PTK2B: variants seen among roughly 807,000 people sequenced by gnomAD.
PTK2B encodes the protein protein-tyrosine kinase 2-beta.
Under a neutral mutation model 142.9 loss-of-function variants are expected in PTK2B, and 71 were observed. The ratio of observed to expected loss-of-function variants is 0.50; its 90% CI spans 0.41 to 0.61. The LOEUF is 0.61. Ranked by LOEUF, PTK2B falls within the 20% of genes least tolerant of loss-of-function variation. The probability of loss-of-function intolerance (pLI) is 0.00; values close to 1 mark genes in which losing one functional copy is unlikely to be tolerated. For synonymous variants in PTK2B, 519 were observed against 503.4 expected (o/e 1.03, Z -0.42); for missense variants, 1,105 against 1,320.4 (o/e 0.84, Z 2.53).
intron 24 of PTK2B, among the ~76,000 whole-genome samples, chr8:27,446,398 T>C (rs1257727116): frequency 6.6e-6 from 1 of 151,964 alleles, no homozygotes; most frequent in Non-Finnish European, 1.5e-5. Flanking sequence ...TGAGAAGGAG[T>C]TTAGGGCTAG....
At chr8:27,419,054 A>G (rs1809580168) in intron 2 of PTK2B, among the ~76,000 whole-genome samples, 1 of 152,072 alleles carries the variant, frequency 6.6e-6, no homozygotes, top group Admixed American at 6.5e-5. Context: ...CACCAAAGTG[A>G]TTTCAGAACT....
chr8:27,338,284 T>G (rs1192590859), intron 1 of PTK2B, among the ~76,000 whole-genome samples: 2 of 152,232 alleles, frequency 1.3e-5, no homozygotes, highest in East Asian at 3.8e-4. Flanking sequence ...TTTACAACAT[T>G]TAGCACTTGA....
chr8:27,354,632 G>A lies in PTK2B; in HGVS notation c.-38+28951G>A, dbSNP rs778596244. Among the ~76,000 whole-genome samples the A allele has an allele frequency of 3.9e-5, 6 of 152,200 alleles. 1 individual carries two copies. In the South Asian group the frequency reaches 6.2e-4, roughly 16 times the overall value. On this transcript the variant is annotated intron_variant, in intron 1 of 30. Coordinates refer to ENST00000346049, the MANE Select transcript of PTK2B (RefSeq NM_173176.3). ...TCCGAAGTGCTTGAAAAATGGCAGC[G>A]TGTAATTATAGCTGGGAACAAAATA...
chr8:27,442,134 CTG>C (rs1811190652), intron 21 of PTK2B, among the ~76,000 whole-genome samples: 1 of 152,126 alleles, frequency 6.6e-6, no homozygotes, highest in African/African-American at 2.4e-5. Flanking sequence ...TTGAGTGTCT[CTG>C]TGTAACAATA....
At chr8:27,382,046 T>C (rs186693511) in intron 1 of PTK2B, among the ~76,000 whole-genome samples, 2 of 152,304 alleles carry the variant, frequency 1.3e-5, no homozygotes, top group Admixed American at 1.3e-4. Flanking sequence ...GCCTCCTGGG[T>C]TCCAATGATT....
At chr8:27,331,890 G>A (rs933585244) in intron 1 of PTK2B, among the ~76,000 whole-genome samples, 4 of 152,160 alleles carry the variant, frequency 2.6e-5, no homozygotes, top group African/African-American at 9.7e-5. Flanking sequence ...GGCAGTATTT[G>A]GAGTCAAAAC....
At position 27,430,968 on chromosome 8, in the gene PTK2B, C is replaced by A. The variant is rs765808730; in HGVS notation, c.762C>A (p.Leu254=). The change falls in exon 8 of 31, where the codon CTC becomes CTA. Residue 254 remains leucine, a synonymous_variant. Coordinates refer to ENST00000346049, the MANE Select transcript of PTK2B (RefSeq NM_173176.3). The part of the protein sequence containing the change: ...EECVMKFFNT[L]AGFANIDQET... ...GCGTCATGAAGTTCTTCAACACTCT[C>A]GCCGGCTTCGCCAACATCGACCAGG... The A allele has an allele frequency of 1.4e-5, 22 of 1,614,184 alleles. No individual in the cohort carries two copies. The highest frequency in any genetic ancestry group is 1.1e-5 in the Non-Finnish European group (13 of 1,180,040).
At chr8:27,367,007 G>A (rs1433642968) in intron 1 of PTK2B, among the ~76,000 whole-genome samples, 1 of 152,144 alleles carries the variant, frequency 6.6e-6, no homozygotes, top group Non-Finnish European at 1.5e-5. Flanking sequence ...CTGAGACCAG[G>A]GTCTCTGGAG....
chr8:27,335,637 C>T (rs571247493), intron 1 of PTK2B, among the ~76,000 whole-genome samples: 6 of 151,730 alleles, frequency 4.0e-5, no homozygotes, highest in East Asian at 1.9e-4. Flanking sequence ...ATGCTTTCTG[C>T]ACCCAACACT....
chr8:27,393,281 T>C (rs1017507945), intron 1 of PTK2B, among the ~76,000 whole-genome samples: 2 of 152,236 alleles, frequency 1.3e-5, no homozygotes, highest in Non-Finnish European at 2.9e-5. Flanking sequence ...GTAATTACTT[T>C]TGGAATGAGC....
intron 1 of PTK2B, among the ~76,000 whole-genome samples, chr8:27,351,357 G>GA (rs2130514244): frequency 6.6e-6 from 1 of 152,046 alleles, no homozygotes; most frequent in East Asian, 1.9e-4. Flanking sequence ...TCACGGGTGA[G>GA]AAAATGGTCT....
chr8:27,337,954 G>A (rs770059633), intron 1 of PTK2B, among the ~76,000 whole-genome samples: 17 of 152,158 alleles, frequency 1.1e-4, no homozygotes, highest in Non-Finnish European at 1.9e-4. Context: ...GTTTTTCACA[G>A]CAGCTGCCTC....
chr8:27,452,671 CCAAA>C (rs1206925508), intron 27 of PTK2B: 2 of 175,386 alleles, frequency 1.1e-5, no homozygotes, highest in African/African-American at 4.7e-5. Flanking sequence ...TCCTTCAGCC[CCAAA>C]CACTCTGGGA....
At chr8:27,344,263 G>A (rs141963136) in intron 1 of PTK2B, among the ~76,000 whole-genome samples, 7 of 152,220 alleles carry the variant, frequency 4.6e-5, no homozygotes, top group South Asian at 2.1e-4. Context: ...ATGTCTCCCC[G>A]TGGAGAAGGA....
At chr8:27,372,502 T>A (rs947600755) in intron 1 of PTK2B, among the ~76,000 whole-genome samples, 1 of 152,154 alleles carries the variant, frequency 6.6e-6, no homozygotes, top group African/African-American at 2.4e-5. Context: ...TTTAACTGAT[T>A]GTATGAGGCC....
intron 11 of PTK2B, 102 bp from the exon 12 acceptor site, chr8:27,433,991 G>A: frequency 7.1e-7 from 1 of 1,414,370 alleles, no homozygotes; most frequent in Admixed American, 1.7e-5. Context: ...TTAGGGGCTG[G>A]GATGGGAGGA....
intron 2 of PTK2B, among the ~76,000 whole-genome samples, chr8:27,399,124 C>A (rs2131437451): frequency 6.6e-6 from 1 of 152,334 alleles, no homozygotes; most frequent in Admixed American, 6.5e-5. Context: ...AGAGCTGATG[C>A]CATCCACTGT....
At chr8:27,334,794 G>A (rs560323130) in intron 1 of PTK2B, among the ~76,000 whole-genome samples, 4 of 152,160 alleles carry the variant, frequency 2.6e-5, no homozygotes, top group East Asian at 3.9e-4. Context: ...GCCACATCCC[G>A]AGTCTCTTGA....
Position 27,458,339 on chromosome 8 carries a change from A to G in PTK2B, c.2860A>G (p.Ile954Val). Residue 954 changes from isoleucine (I) to valine (V), a missense_variant, in exon 31 of 31, where the codon ATC becomes GTC. Ile to Val is a conservative substitution (Grantham distance 29). Coordinates refer to ENST00000346049, the MANE Select transcript of PTK2B (RefSeq NM_173176.3). ...KLLNKDLAELINKMRLAQQNA... is the reference protein window; with the variant it reads ...KLLNKDLAELVNKMRLAQQNA... ...GCTCAACAAAGACCTGGCAGAGCTCATCAACAAGATGCGGCTGGCACAGCA... is the reference window on the plus strand; with the variant it reads ...GCTCAACAAAGACCTGGCAGAGCTCGTCAACAAGATGCGGCTGGCACAGCA... The G allele has an allele frequency of 2.5e-6, 4 of 1,613,856 alleles. No individual in the cohort carries two copies. The highest frequency in any genetic ancestry group is 3.4e-6 in the Non-Finnish European group (4 of 1,179,750).
Sources: allele counts gnomAD v4.1 joint callset (sites outside exome capture counted in the v4.1 genomes callset), GRCh38; gene constraint gnomAD v4.1.1; transcripts MANE v1.5; gene names NCBI Gene and HGNC (gene_info 2026-07-23, HGNC 2026-07-21).